TBC1D32: variants seen among roughly 807,000 people sequenced by gnomAD.
The protein encoded by TBC1D32 is protein broad-minded.
Under a neutral mutation model 170.3 loss-of-function variants are expected in TBC1D32, and 151 were observed. The observed-to-expected ratio is 0.89, with a 90% CI of 0.78 to 1.01. The LOEUF (loss-of-function observed/expected upper bound fraction) is 1.01. Ranked by LOEUF, TBC1D32 falls within the 50% of genes least tolerant of loss-of-function variation. The pLI is 0.00. For missense variants in TBC1D32, 1,464 were observed against 1,457.1 expected, an observed-to-expected ratio of 1.00 and a Z score of -0.08; for synonymous variants, 498 against 488.0, an observed-to-expected ratio of 1.02 and a Z score of -0.27.
intron 22 of TBC1D32, among the ~76,000 whole-genome samples, chr6:121,202,348 G>A (rs1355524175): frequency 6.9e-6 from 1 of 144,400 alleles, no homozygotes; most frequent in Non-Finnish European, 1.5e-5. Context: ...CAGAAATGAA[G>A]AGAATTTTTC....
At chr6:121,315,094 A>T (rs1032411438) in intron 3 of TBC1D32, among the ~76,000 whole-genome samples, 4 of 152,198 alleles carry the variant, frequency 2.6e-5, no homozygotes, top group African/African-American at 9.6e-5. Flanking sequence ...CATAACTTAC[A>T]CCCAAGCTCT....
chr6:121,106,495 G>A (rs965296466), intron 29 of TBC1D32, among the ~76,000 whole-genome samples: 2 of 151,988 alleles, frequency 1.3e-5, no homozygotes, highest in Admixed American at 6.6e-5. Context: ...ACATATAAGT[G>A]AGTACACGAG....
intron 22 of TBC1D32, among the ~76,000 whole-genome samples, chr6:121,185,218 C>T (rs563118329): frequency 6.6e-6 from 1 of 152,090 alleles, no homozygotes; most frequent in East Asian, 1.9e-4. Context: ...CTAGCAGGTA[C>T]TAATATATGA....
At chr6:121,288,484 C>T (rs1221325910) in intron 12 of TBC1D32, among the ~76,000 whole-genome samples, 1 of 152,192 alleles carries the variant, frequency 6.6e-6, no homozygotes, top group African/African-American at 2.4e-5. Context: ...AGACCAATAA[C>T]AGGCTCTGAA....
intron 24 of TBC1D32, among the ~76,000 whole-genome samples, chr6:121,140,485 G>T (rs1782652187): frequency 6.6e-6 from 1 of 151,756 alleles, no homozygotes; most frequent in African/African-American, 2.4e-5. Flanking sequence ...ATATTATTTG[G>T]TATATTACAT....
chr6:121,310,805 G>A lies in TBC1D32; in HGVS notation c.538C>T (p.Gln180Ter). The change falls in exon 4 of 32, where the codon CAG becomes TAG. Residue 180 changes from glutamine to a stop codon, truncating the protein, a stop_gained. Coordinates refer to ENST00000398212, the MANE Select transcript of TBC1D32 (RefSeq NM_152730.6). LOFTEE classifies it high-confidence loss of function. ...CQGKLQLILD[Q>*]LDPGQPKEVR... The stretch of plus-strand genomic sequence containing the variant: ...TCTTTAGGTTGCCCAGGATCCAACT[G>A]GTCTAAAATCAATTGTAATTTTCCT... The A allele has an allele frequency of 6.3e-7, 1 of 1,574,864 alleles. No individual in the cohort carries two copies. The highest frequency in any genetic ancestry group is 8.7e-7 in the Non-Finnish European group (1 of 1,155,876).
At chr6:121,158,074 T>C (rs1210754629) in intron 24 of TBC1D32, among the ~76,000 whole-genome samples, 96 of 152,170 alleles carry the variant, frequency 6.3e-4, no homozygotes. Context: ...AAAATTTTGA[T>C]GGACTTCAAA....
chr6:121,268,635 C>A (rs1247407860), intron 15 of TBC1D32, among the ~76,000 whole-genome samples: 1 of 152,144 alleles, frequency 6.6e-6, no homozygotes, highest in Non-Finnish European at 1.5e-5. Context: ...CTACGTCTGA[C>A]TGATGTACCT....
intron 25 of TBC1D32, among the ~76,000 whole-genome samples, chr6:121,129,000 A>T (rs986207518): frequency 6.6e-6 from 1 of 152,142 alleles, no homozygotes; most frequent in African/African-American, 2.4e-5. Flanking sequence ...CCATGTGAGG[A>T]TGTAGTAAGA....
At chr6:121,220,084 T>C (rs961049211) in intron 21 of TBC1D32, among the ~76,000 whole-genome samples, 2 of 152,162 alleles carry the variant, frequency 1.3e-5, no homozygotes, top group African/African-American at 4.8e-5. Context: ...ATTAGCGCAA[T>C]TAGTAACCTT....
intron 26 of TBC1D32, among the ~76,000 whole-genome samples, chr6:121,121,191 C>T (rs529919225): frequency 3.8e-4 from 58 of 152,022 alleles, no homozygotes; most frequent in Non-Finnish European, 6.0e-4. Context: ...GAGAATCCTG[C>T]TTAGGAATAA....
At chr6:121,081,952 G>T (rs1457485413) in intron 31 of TBC1D32, among the ~76,000 whole-genome samples, 5 of 151,976 alleles carry the variant, frequency 3.3e-5, no homozygotes, top group African/African-American at 1.2e-4. Flanking sequence ...TGATCTACAA[G>T]GCTGATATTA....
chr6:121,287,026 C>T (rs1420728198), intron 12 of TBC1D32, among the ~76,000 whole-genome samples: 4 of 152,060 alleles, frequency 2.6e-5, no homozygotes, highest in Admixed American at 6.6e-5. Context: ...AAGGAACAAC[C>T]GGTACCAGCC....
intron 24 of TBC1D32, among the ~76,000 whole-genome samples, chr6:121,151,572 C>T (rs367887193): frequency 6.6e-6 from 1 of 152,084 alleles, no homozygotes; most frequent in Non-Finnish European, 1.5e-5. Flanking sequence ...TTTTCTGTCT[C>T]GATCAACTGT....
chr6:121,120,418 C>T (rs1780136535), intron 26 of TBC1D32, among the ~76,000 whole-genome samples: 1 of 151,866 alleles, frequency 6.6e-6, no homozygotes, highest in Non-Finnish European at 1.5e-5. Context: ...AAAATATGGT[C>T]CAATAAAGCA....
intron 24 of TBC1D32, among the ~76,000 whole-genome samples, chr6:121,148,170 G>A (rs566216786): frequency 6.6e-6 from 1 of 151,954 alleles, no homozygotes; most frequent in Admixed American, 6.6e-5. Context: ...AGTGTGTGAT[G>A]TTCCCCTCCC....
chr6:121,117,270 T>A (rs1025053332), intron 26 of TBC1D32, among the ~76,000 whole-genome samples: 1 of 152,164 alleles, frequency 6.6e-6, no homozygotes, highest in Non-Finnish European at 1.5e-5. Context: ...ACATCCATTT[T>A]AAAAAATCAC....
At chr6:121,222,710 T>C (rs1416324207) in intron 21 of TBC1D32, among the ~76,000 whole-genome samples, 7 of 152,144 alleles carry the variant, frequency 4.6e-5, no homozygotes, top group Non-Finnish European at 7.4e-5. Flanking sequence ...TTCATAAATG[T>C]ACCCAAAGTT....
At chr6:121,126,224 A>G (rs1582876359) in intron 26 of TBC1D32, among the ~76,000 whole-genome samples, 154 bp downstream of exon 26, 1 of 152,218 alleles carries the variant, frequency 6.6e-6, no homozygotes, top group African/African-American at 2.4e-5. Context: ...ATTTACAAAG[A>G]AAAGAGGCTT....
Sources: gnomAD v4.1 joint callset for allele counts (sites outside exome capture counted in the v4.1 genomes callset) on GRCh38, gnomAD v4.1.1 for gene constraint, MANE v1.5 for transcripts, NCBI Gene and HGNC (gene_info 2026-07-23, HGNC 2026-07-21) for gene names.